The following DLG2 variants were observed in gnomAD, a reference collection of about 807,000 sequenced individuals.
The protein encoded by DLG2 is discs large MAGUK scaffold protein 2.
DLG2 carries 45 observed loss-of-function variants against 132.5 expected under a neutral mutation model. That is an observed-to-expected ratio of 0.34 (90% confidence interval 0.27 to 0.44). The LOEUF (loss-of-function observed/expected upper bound fraction) is 0.44. Among genes scored for constraint, DLG2 ranks in the 20% least tolerant of loss-of-function variants. The pLI is 1.00. For missense variants in DLG2, 1,045 were observed against 1,196.9 expected (o/e 0.87, Z 1.87); for synonymous variants, 424 against 419.6 (o/e 1.01, Z -0.13).
chr11:84,586,633 C>A (rs888790607), intron 6 of DLG2, among the ~76,000 whole-genome samples: 1 of 152,018 alleles, frequency 6.6e-6, no homozygotes, highest in Non-Finnish European at 1.5e-5. Flanking sequence ...ATATTTGAAA[C>A]TATTTTTCTA....
chr11:83,845,909 CAT>C (rs1272608888), intron 16 of DLG2, among the ~76,000 whole-genome samples: 1 of 152,150 alleles, frequency 6.6e-6, no homozygotes, highest in Non-Finnish European at 1.5e-5. Flanking sequence ...ATTGAAATAA[CAT>C]AAAAATACTA....
intron 6 of DLG2, among the ~76,000 whole-genome samples, chr11:84,806,346 G>T (rs1032091200): frequency 1.3e-5 from 2 of 151,904 alleles, no homozygotes. Flanking sequence ...AACCCAAATA[G>T]GATAAATGGA....
chr11:85,357,791 C>A (rs1306641012), intron 3 of DLG2, among the ~76,000 whole-genome samples: 1 of 140,040 alleles, frequency 7.1e-6, no homozygotes, highest in Non-Finnish European at 1.5e-5. Context: ...GGTACATGTG[C>A]ACATTTTATC....
At chr11:84,171,916 C>G (rs1566804437) in intron 8 of DLG2, among the ~76,000 whole-genome samples, 1 of 152,106 alleles carries the variant, frequency 6.6e-6, no homozygotes, top group Non-Finnish European at 1.5e-5. Flanking sequence ...ACTAATGTCC[C>G]TTCTCCTAGA....
intron 3 of DLG2, among the ~76,000 whole-genome samples, chr11:85,575,278 G>T (rs1337745248): frequency 6.6e-6 from 1 of 151,928 alleles, no homozygotes; most frequent in African/African-American, 2.4e-5. Context: ...GCTCACACAT[G>T]TAATCCCAAC....
chr11:83,728,347 TCTCTTCTCAC>T (rs1460537167), intron 18 of DLG2, among the ~76,000 whole-genome samples: 1 of 152,222 alleles, frequency 6.6e-6, no homozygotes, highest in Non-Finnish European at 1.5e-5. Flanking sequence ...CCTAATAGCC[TCTCTTCTCAC>T]CATCTTCTTC....
chr11:85,445,863 T>C (rs1216260746), intron 3 of DLG2, among the ~76,000 whole-genome samples: 1 of 152,210 alleles, frequency 6.6e-6, no homozygotes, highest in Non-Finnish European at 1.5e-5. Context: ...AAACCATTGA[T>C]GGAGGAAACC....
intron 7 of DLG2, among the ~76,000 whole-genome samples, chr11:84,358,363 ATT>A (rs770602681): frequency 5.2e-4 from 63 of 121,422 alleles, no homozygotes; most frequent in Admixed American, 8.6e-4. Flanking sequence ...AAGTCCCAGT[ATT>A]TTTTTTTTTT....
intron 6 of DLG2, among the ~76,000 whole-genome samples, chr11:84,962,809 T>G (rs563138180): frequency 1.3e-5 from 2 of 152,338 alleles, no homozygotes; most frequent in African/African-American, 4.8e-5. Flanking sequence ...TAAAGATACT[T>G]CTATTTCTTT....
intron 7 of DLG2, among the ~76,000 whole-genome samples, chr11:84,365,370 AT>A (rs1360703824): frequency 1.3e-5 from 2 of 150,806 alleles, no homozygotes; most frequent in East Asian, 2.0e-4. Flanking sequence ...CCCCTTTATT[AT>A]TTTTTATTGC....
intron 3 of DLG2, among the ~76,000 whole-genome samples, chr11:85,563,331 T>C (rs2077354882): frequency 6.6e-6 from 1 of 151,722 alleles, no homozygotes; most frequent in African/African-American, 2.4e-5. Context: ...AGCATTTCCA[T>C]AACTCCAAGA....
intron 4 of DLG2, among the ~76,000 whole-genome samples, chr11:85,204,746 A>G (rs2081741977): frequency 1.3e-5 from 2 of 152,166 alleles, no homozygotes; most frequent in Non-Finnish European, 2.9e-5. Flanking sequence ...GGCAAAAAGT[A>G]AAGCTGGAAG....
At chr11:85,274,216 C>A (rs1427336323) in intron 4 of DLG2, among the ~76,000 whole-genome samples, 8 of 152,156 alleles carry the variant, frequency 5.3e-5, no homozygotes, top group African/African-American at 1.9e-4. Flanking sequence ...AACAAACCTG[C>A]ACGCTGTGCA....
At chr11:85,191,152 G>GCACACACA (rs1400129477) in intron 4 of DLG2, among the ~76,000 whole-genome samples, 1 of 127,330 alleles carries the variant, frequency 7.9e-6, no homozygotes, top group African/African-American at 3.1e-5. Context: ...ATGCGCGCGC[G>GCACACACA]CGCACGCGCG....
intron 20 of DLG2, 125 bp downstream of exon 20, chr11:83,541,557 G>A (rs2096068085): frequency 1.1e-6 from 1 of 878,274 alleles, no homozygotes; most frequent in Non-Finnish European, 1.6e-6. Flanking sequence ...CAATTTTCCT[G>A]CAGATTGACT....
At chr11:83,750,777 T>C (rs1007330052) in intron 18 of DLG2, among the ~76,000 whole-genome samples, 1 of 152,182 alleles carries the variant, frequency 6.6e-6, no homozygotes, top group Admixed American at 6.5e-5. Context: ...AATATGATTA[T>C]TTTTTCAATA....
chr11:84,199,783 C>A (rs1314677083), intron 8 of DLG2, among the ~76,000 whole-genome samples: 1 of 151,886 alleles, frequency 6.6e-6, no homozygotes, highest in Non-Finnish European at 1.5e-5. Context: ...GCAAAATAAA[C>A]CTACAGTGTC....
intron 17 of DLG2, among the ~76,000 whole-genome samples, chr11:83,798,849 C>T (rs1358459460): frequency 6.6e-6 from 1 of 152,124 alleles, no homozygotes; most frequent in African/African-American, 2.4e-5. Context: ...TTTCATTTTT[C>T]CTGAAGTGAT....
At chr11:83,948,447 C>A (rs1454405091) in intron 14 of DLG2, among the ~76,000 whole-genome samples, 1 of 152,150 alleles carries the variant, frequency 6.6e-6, no homozygotes, top group Non-Finnish European at 1.5e-5. Flanking sequence ...CCACCCAGCA[C>A]TCCATGGAAG....
Sources: gnomAD v4.1 joint callset for allele counts (sites outside exome capture counted in the v4.1 genomes callset) on GRCh38, gnomAD v4.1.1 for gene constraint, MANE v1.5 for transcripts, NCBI Gene and HGNC (gene_info 2026-07-23, HGNC 2026-07-21) for gene names.